The following FILIP1 variants were observed in gnomAD, a reference collection of about 807,000 sequenced individuals.
FILIP1 encodes filamin A interacting protein 1.
Under a neutral mutation model 102.1 loss-of-function variants are expected in FILIP1, and 61 were observed. The ratio of observed to expected loss-of-function variants is 0.60; its 90% CI spans 0.49 to 0.74. The LOEUF (loss-of-function observed/expected upper bound fraction) is 0.74. Ranked by LOEUF, FILIP1 falls within the 30% of genes least tolerant of loss-of-function variation. The pLI, the probability that FILIP1 is intolerant of heterozygous loss-of-function variation, is 0.00. For synonymous variants in FILIP1, 491 were observed against 526.9 expected (o/e 0.93, Z 0.93); for missense variants, 1,314 against 1,441.2 (o/e 0.91, Z 1.43).
chr6:75,478,596 AG>A (rs1779555847), intron 1 of FILIP1, among the ~76,000 whole-genome samples: 1 of 152,190 alleles, frequency 6.6e-6, no homozygotes, highest in East Asian at 1.9e-4. Flanking sequence ...CTTATACAAC[AG>A]GTATCTTGGG....
At chr6:75,434,192 GA>G in intron 1 of FILIP1, among the ~76,000 whole-genome samples, 1 of 152,132 alleles carries the variant, frequency 6.6e-6, no homozygotes, top group Admixed American at 6.5e-5. Flanking sequence ...GGTTCCATAT[GA>G]ACTTTAAAGT....
intron 1 of FILIP1, among the ~76,000 whole-genome samples, chr6:75,421,839 G>A (rs1252933937): frequency 6.6e-6 from 1 of 152,068 alleles, no homozygotes; most frequent in Non-Finnish European, 1.5e-5. Context: ...TACGACTGAG[G>A]AAACTGAGGC....
At chr6:75,397,579 C>T (rs893318384) in intron 2 of FILIP1, among the ~76,000 whole-genome samples, 6 of 64,314 alleles carry the variant, frequency 9.3e-5, no homozygotes, top group South Asian at 5.2e-4. Context: ...CACACACACA[C>T]GTATACATAT....
At chr6:75,490,263 AG>A (rs1373668923) in intron 1 of FILIP1, among the ~76,000 whole-genome samples, 2 of 152,116 alleles carry the variant, frequency 1.3e-5, no homozygotes, top group Non-Finnish European at 2.9e-5. Context: ...TCCACTTAAA[AG>A]AGTAAGTTTC....
At chr6:75,486,343 C>A (rs936856617) in intron 1 of FILIP1, among the ~76,000 whole-genome samples, 1 of 152,164 alleles carries the variant, frequency 6.6e-6, no homozygotes, top group Admixed American at 6.5e-5. Context: ...CATCTCAGTG[C>A]CCCAGGCCTA....
chr6:75,406,459 T>G (rs1408457594), intron 2 of FILIP1, among the ~76,000 whole-genome samples: 2 of 152,150 alleles, frequency 1.3e-5, no homozygotes, highest in Non-Finnish European at 2.9e-5. Flanking sequence ...ATTCCTGTAA[T>G]TTATATTGCA....
chr6:75,432,433 G>C (rs987807136), intron 1 of FILIP1, among the ~76,000 whole-genome samples: 1 of 152,190 alleles, frequency 6.6e-6, no homozygotes, highest in Non-Finnish European at 1.5e-5. Context: ...TAACAAAACT[G>C]TTCCCATTGA....
rs148628395 is a variant in FILIP1 at position 75,316,797 on chromosome 6, A to G, written c.630-1595T>C. Among the ~76,000 whole-genome samples, 521 of 152,278 alleles carry G rather than the reference A, an allele frequency of 3.4e-3. 3 individuals carry two copies. The highest frequency in any genetic ancestry group is 0.024 in the Middle Eastern group (7 of 294). ...GCCTAATACTGTAACAGCATCACTA[A>G]ATGTGGTCCTTACATGTAGAAAACA... On this transcript the variant is annotated intron_variant, in intron 4 of 5. Coordinates refer to ENST00000237172, the MANE Select transcript of FILIP1 (RefSeq NM_015687.5).
chr6:75,354,889 T>C (rs1289656527), intron 3 of FILIP1, among the ~76,000 whole-genome samples: 1 of 152,248 alleles, frequency 6.6e-6, no homozygotes, highest in Non-Finnish European at 1.5e-5. Context: ...TATGCATTTC[T>C]AGGAAAAGTA....
chr6:75,439,736 G>T (rs1778145605), intron 1 of FILIP1, among the ~76,000 whole-genome samples: 1 of 152,142 alleles, frequency 6.6e-6, no homozygotes, highest in Admixed American at 6.5e-5. Flanking sequence ...AAGGTCACTG[G>T]GTATCCCTAT....
intron 2 of FILIP1, among the ~76,000 whole-genome samples, chr6:75,411,744 C>A (rs1457296349): frequency 2.6e-5 from 4 of 152,158 alleles, no homozygotes; most frequent in Non-Finnish European, 4.4e-5. Flanking sequence ...GGTGCTATTT[C>A]TGAGGCCTCT....
At position 75,493,429 on chromosome 6, in the gene FILIP1, T is replaced by C. The variant is rs974948001; in HGVS notation, c.-22A>G. The C allele has an allele frequency of 4.6e-5, 7 of 152,212 alleles. No individual in the cohort carries two copies. The highest frequency in any genetic ancestry group is 1.7e-4 in the African/African-American group (7 of 41,448). The allele number at this position is 152,212 out of a possible 1,614,324, so 9.4% of individuals were successfully genotyped here. A position where few individuals can be genotyped will look rare whatever the true frequency, so the allele number is the denominator to read the frequency against. On this transcript the variant is annotated 5_prime_UTR_variant, in exon 1 of 6. Coordinates refer to ENST00000237172, the MANE Select transcript of FILIP1 (RefSeq NM_015687.5). ...TTGGTCTTACCTGACGGCAGCTCCT[T>C]TAACCAAAGGTATGTCCTCTATGTA...
chr6:75,490,310 G>T (rs763761145), intron 1 of FILIP1, among the ~76,000 whole-genome samples: 4 of 152,028 alleles, frequency 2.6e-5, no homozygotes. Flanking sequence ...AATACTAAGA[G>T]AATGTTTTTC....
chr6:75,319,160 C>CA, intron 4 of FILIP1: 1 of 731,918 alleles, frequency 1.4e-6, no homozygotes, highest in Non-Finnish European at 2.5e-6. Context: ...TATGCTGCAT[C>CA]AGGCTTTCCT....
intron 1 of FILIP1, among the ~76,000 whole-genome samples, chr6:75,472,381 T>C (rs764242072): frequency 1.3e-5 from 2 of 152,144 alleles, no homozygotes; most frequent in Non-Finnish European, 1.5e-5. Context: ...ATTTGAATGT[T>C]AATTTAATAG....
chr6:75,423,078 G>T (rs1777519909), intron 1 of FILIP1, among the ~76,000 whole-genome samples: 1 of 152,140 alleles, frequency 6.6e-6, no homozygotes, highest in South Asian at 2.1e-4. Context: ...AAGAAAAGGA[G>T]CACAGTGGCT....
At chr6:75,391,878 G>A (rs1012489689) in intron 2 of FILIP1, among the ~76,000 whole-genome samples, 1 of 151,908 alleles carries the variant, frequency 6.6e-6, no homozygotes, top group Non-Finnish European at 1.5e-5. Flanking sequence ...CTCCCCCTAA[G>A]TGAGTGGGAT....
chr6:75,388,610 G>A (rs1776177884), intron 2 of FILIP1, among the ~76,000 whole-genome samples: 1 of 152,150 alleles, frequency 6.6e-6, no homozygotes, highest in South Asian at 2.1e-4. Context: ...CTTGTAAGAT[G>A]TGTTCCTAGG....
chr6:75,425,502 T>C (rs1443485839), intron 1 of FILIP1, among the ~76,000 whole-genome samples: 1 of 152,108 alleles, frequency 6.6e-6, no homozygotes, highest in Non-Finnish European at 1.5e-5. Context: ...CCAGCCACCC[T>C]ACCTCAGCAC....
Sources: allele counts gnomAD v4.1 joint callset (sites outside exome capture counted in the v4.1 genomes callset), GRCh38; gene constraint gnomAD v4.1.1; transcripts MANE v1.5; gene names NCBI Gene and HGNC (gene_info 2026-07-23, HGNC 2026-07-21).